The following MAST4 variants were observed in gnomAD, a reference collection of about 807,000 sequenced individuals.
MAST4 encodes the protein microtubule associated serine/threonine kinase family member 4, also known as microtubule-associated serine/threonine-protein kinase 4.
A neutral mutation model predicts 162.7 loss-of-function variants in MAST4; 89 were observed. The observed-to-expected ratio is 0.55, with a 90% CI of 0.46 to 0.65. The LOEUF is 0.65. Ranked by LOEUF, MAST4 falls within the 30% of genes least tolerant of loss-of-function variation. MAST4 has a pLI of 0.00. For missense variants in MAST4, 3,153 were observed against 3,374.0 expected (o/e 0.93, Z 1.62); for synonymous variants, 1,479 against 1,361.1 (o/e 1.09, Z -1.91).
chr5:67,068,074 T>C (rs1214852732), intron 5 of MAST4, among the ~76,000 whole-genome samples: 1 of 152,150 alleles, frequency 6.6e-6, no homozygotes, highest in Non-Finnish European at 1.5e-5. Flanking sequence ...CCCCTCCCAG[T>C]GAGGCCCTGG....
intron 3 of MAST4, among the ~76,000 whole-genome samples, chr5:66,885,948 T>A (rs1005549932): frequency 6.6e-6 from 1 of 152,218 alleles, no homozygotes; most frequent in Non-Finnish European, 1.5e-5. Flanking sequence ...CTTTTCTAGA[T>A]GCTTTACATG....
intron 4 of MAST4, among the ~76,000 whole-genome samples, chr5:66,987,339 G>A (rs1309796786): frequency 3.3e-5 from 5 of 152,128 alleles, no homozygotes. Context: ...CATGTGCAAT[G>A]TGTTTTGAAA....
intron 3 of MAST4, among the ~76,000 whole-genome samples, chr5:66,820,020 A>G (rs910974993): frequency 2.1e-5 from 3 of 143,846 alleles, no homozygotes; most frequent in African/African-American, 7.8e-5. Flanking sequence ...ATTACAAACT[A>G]TGTTGCCCAG....
At chr5:67,004,998 A>G (rs182962336) in intron 4 of MAST4, 40 of 772,218 alleles carry the variant, frequency 5.2e-5, no homozygotes, top group Admixed American at 4.1e-4. Flanking sequence ...AAAGAAATGG[A>G]TATGTCTGAC....
chr5:66,836,686 CAAAG>C (rs1378285414), intron 3 of MAST4, among the ~76,000 whole-genome samples: 2 of 152,054 alleles, frequency 1.3e-5, no homozygotes, highest in African/African-American at 4.8e-5. Context: ...AGCATACTAA[CAAAG>C]GAACAGAAAA....
chr5:66,843,676 A>G (rs1258036318), intron 3 of MAST4, among the ~76,000 whole-genome samples: 2 of 152,134 alleles, frequency 1.3e-5, no homozygotes, highest in East Asian at 1.9e-4. Flanking sequence ...GAATTGAGTC[A>G]CTTTCTGTCA....
chr5:67,158,603 G>T (rs1457003463), intron 26 of MAST4, among the ~76,000 whole-genome samples: 1 of 150,316 alleles, frequency 6.7e-6, no homozygotes, highest in Admixed American at 6.6e-5. Flanking sequence ...AAAAATTAAA[G>T]AACTCTAAAA....
chr5:66,924,454 C>A (rs1005585004), intron 4 of MAST4, among the ~76,000 whole-genome samples: 1 of 149,790 alleles, frequency 6.7e-6, no homozygotes, highest in Non-Finnish European at 1.5e-5. Context: ...AGTGCAGTGG[C>A]GCGATCTCGG....
At chr5:66,933,746 T>C (rs1742421113) in intron 4 of MAST4, among the ~76,000 whole-genome samples, 2 of 152,210 alleles carry the variant, frequency 1.3e-5, no homozygotes, top group Non-Finnish European at 2.9e-5. Context: ...AGTTTGTCTT[T>C]ATATTTAGAG....
At chr5:66,607,341 G>C (rs1742960359) in intron 1 of MAST4, among the ~76,000 whole-genome samples, 1 of 152,132 alleles carries the variant, frequency 6.6e-6, no homozygotes, top group Admixed American at 6.5e-5. Context: ...TATAATCCTG[G>C]GTTTTAGGAC....
rs201090300 is a variant in MAST4, at chr5:66,864,650, C to CA, written c.643-35301_643-35300insA. 2.2e-4 allele frequency among the ~76,000 whole-genome samples: 34 copies of CA among 151,428 alleles called. No homozygotes were observed. The East Asian group carries it at 2.5e-3, about 11-fold the overall frequency. On this transcript the variant is annotated intron_variant, in intron 3 of 28. Coordinates refer to ENST00000403625, the MANE Select transcript of MAST4 (RefSeq NM_001164664.2). Reference sequence around the variant, plus strand: ...TGTTATGGGTTGAATTATGTCCCCCCCCGAAAATACATGGAAGTCCTAACC... The same window carrying CA: ...TGTTATGGGTTGAATTATGTCCCCCCACCGAAAATACATGGAAGTCCTAACC...
intron 3 of MAST4, among the ~76,000 whole-genome samples, chr5:66,810,546 T>C (rs1287113235): frequency 6.6e-6 from 1 of 152,168 alleles, no homozygotes; most frequent in Non-Finnish European, 1.5e-5. Context: ...CAAGGAAGGC[T>C]GGGAAATTTA....
At chr5:66,787,449 G>A (rs1401619034) in intron 2 of MAST4, among the ~76,000 whole-genome samples, 2 of 152,240 alleles carry the variant, frequency 1.3e-5, no homozygotes, top group African/African-American at 2.4e-5. Context: ...AAATAAAGCA[G>A]TGGACTTCTT....
chr5:67,078,939 T>TATATATA (rs1762264704), intron 5 of MAST4, among the ~76,000 whole-genome samples: 5 of 97,180 alleles, frequency 5.1e-5, no homozygotes, highest in African/African-American at 1.9e-4. Context: ...TATATATATA[T>TATATATA]ATATATATAT....
At chr5:66,924,410 T>G (rs1764737650) in intron 4 of MAST4, among the ~76,000 whole-genome samples, 2 of 152,008 alleles carry the variant, frequency 1.3e-5, no homozygotes, top group Admixed American at 1.3e-4. Context: ...TTTTTTTTTT[T>G]TGAGATGGAG....
At chr5:66,878,928 G>C (rs1378749556) in intron 3 of MAST4, among the ~76,000 whole-genome samples, 1 of 152,200 alleles carries the variant, frequency 6.6e-6, no homozygotes. Flanking sequence ...TCACAGAAAA[G>C]CAAATATGAA....
At chr5:66,945,364 C>T (rs1743896116) in intron 4 of MAST4, among the ~76,000 whole-genome samples, 1 of 152,068 alleles carries the variant, frequency 6.6e-6, no homozygotes, top group Non-Finnish European at 1.5e-5. Context: ...TTGTTTAAAA[C>T]CTATGAACAT....
In MAST4 at chr5:67,164,978, T is replaced by C. The variant is rs757534278; in HGVS notation, c.5799T>C (p.Thr1933=). Residue 1933 remains threonine, a synonymous_variant, in exon 29 of 29, where the codon ACT becomes ACC. Transcript: ENST00000403625. This position sits in a 1 kb window ranked among gnomAD's most constrained non-coding sequence, Gnocchi z 5.3. ...CCCCTAAACACCAAGACCACACCAC[T>C]GACCCCAAGCTTCTGACCTGCCTGG... The part of the protein sequence containing the change: ...GSSPKHQDHT[T]DPKLLTCLGQ... 3.7e-6 allele frequency: 6 copies of C among 1,613,814 alleles called. No homozygotes were observed. In the Admixed American group the frequency reaches 8.3e-5, roughly 22 times the overall value.
chr5:66,696,210 G>A (rs1749388475), intron 1 of MAST4, among the ~76,000 whole-genome samples: 6 of 152,158 alleles, frequency 3.9e-5, no homozygotes, highest in Admixed American at 3.9e-4. Flanking sequence ...GGGGCGGAGG[G>A]TGGGAGGAGG....
Sources: gnomAD v4.1 joint callset for allele counts (sites outside exome capture counted in the v4.1 genomes callset) on GRCh38, gnomAD v4.1.1 for gene constraint, Gnocchi (gnomAD v3.1) non-coding constraint, MANE v1.5 for transcripts, NCBI Gene and HGNC (gene_info 2026-07-23, HGNC 2026-07-21) for gene names.